The following RPTOR variants were observed in gnomAD, a reference collection of about 807,000 sequenced individuals.
RPTOR encodes the protein regulatory associated protein of MTOR complex 1.
In RPTOR, 21 loss-of-function variants were observed where a neutral mutation model predicts 169.9. The ratio of observed to expected loss-of-function variants is 0.12; its 90% confidence interval spans 0.09 to 0.18. The LOEUF (loss-of-function observed/expected upper bound fraction) is 0.18. RPTOR is among the 10% of genes least tolerant of loss of function. RPTOR has a pLI of 1.00. For missense variants in RPTOR, 1,133 were observed against 1,855.9 expected (o/e 0.61, Z 7.16); for synonymous variants, 732 against 753.2 (o/e 0.97, Z 0.46).
At chr17:80,890,814 CAG>C (rs2068312549) in intron 17 of RPTOR, among the ~76,000 whole-genome samples, 1 of 152,014 alleles carries the variant, frequency 6.6e-6, no homozygotes, top group African/African-American at 2.4e-5. Flanking sequence ...AGTGCGTGTA[CAG>C]AGAGTGCGTA....
At chr17:80,852,543 G>A (rs1199463164) in intron 11 of RPTOR, among the ~76,000 whole-genome samples, 3 of 152,162 alleles carry the variant, frequency 2.0e-5, no homozygotes, top group Non-Finnish European at 2.9e-5. Context: ...CTGGGTCCAT[G>A]GTGAACCCAG....
At chr17:80,626,589 C>G (rs986912101) in intron 2 of RPTOR, among the ~76,000 whole-genome samples, 1 of 152,020 alleles carries the variant, frequency 6.6e-6, no homozygotes, top group Non-Finnish European at 1.5e-5. Flanking sequence ...TCACAACAAC[C>G]TTGTGTGGTA....
intron 9 of RPTOR, among the ~76,000 whole-genome samples, chr17:80,833,714 G>T (rs189740548): frequency 6.6e-6 from 1 of 152,372 alleles, no homozygotes; most frequent in East Asian, 1.9e-4. Context: ...TGCAGGCCGG[G>T]TGCAATGGCT....
intron 13 of RPTOR, among the ~76,000 whole-genome samples, chr17:80,875,905 A>G (rs71373041): frequency 8.1e-4 from 63 of 78,254 alleles, no homozygotes; most frequent in South Asian, 2.3e-3. Flanking sequence ...GTCACCTGCC[A>G]GGTCTTCCAC....
Position 80,754,916 on chromosome 17 carries a change from G to C in RPTOR, c.830+731G>C, listed in dbSNP as rs905209713. On this transcript the variant is annotated intron_variant, in intron 6 of 33. Transcript: ENST00000306801. This position sits in a 1 kb window ranked among gnomAD's most constrained non-coding sequence, Gnocchi z 4.2. Reference sequence around the variant, plus strand: ...GTGCGAATGGTGCAGCTGTGCAGCAGACACCGTGCTGTCGGCCGAGGACAC... The same window carrying C: ...GTGCGAATGGTGCAGCTGTGCAGCACACACCGTGCTGTCGGCCGAGGACAC... Among the ~76,000 whole-genome samples the C allele has an allele frequency of 6.6e-6, 1 of 152,220 alleles. No individual in the cohort carries two copies. Among genetic ancestry groups the C allele is most frequent in the African/African-American group, 2.4e-5 (1 of 41,456 alleles).
At chr17:80,557,899 C>G (rs1398737309) in intron 1 of RPTOR, among the ~76,000 whole-genome samples, 1 of 152,128 alleles carries the variant, frequency 6.6e-6, no homozygotes. Flanking sequence ...GCACTCCAGC[C>G]TGGGCGACAG....
rs1431958431 is a variant in RPTOR at position 80,893,683 on chromosome 17, C to T, written c.2243-24C>T. 5.0e-6 allele frequency: 8 copies of T among 1,603,340 alleles called. No individual in the cohort carries two copies. In the East Asian group the frequency reaches 1.4e-4, roughly 27 times the overall value. ...AAAGGAGGGTCCCGGGAGCACCCCA[C>T]TGACCCCGTTGCGTCTCGGGCAGCT... On this transcript the variant is annotated intron_variant, in intron 19 of 33. Transcript: ENST00000306801.
In RPTOR at chr17:80,949,624, C is replaced by T. The variant is rs1005797837; in HGVS notation, c.3370+77C>T. On this transcript the variant is annotated intron_variant, in intron 28 of 33. Coordinates refer to ENST00000306801, the MANE Select transcript of RPTOR (RefSeq NM_020761.3). ...ACGCACTCGGAATTCCAAGGCCCTT[C>T]TGGGGCTGTCTCTAAACAGGCTGCT... 4 of 1,194,754 alleles carry T rather than the reference C, an allele frequency of 3.3e-6. No homozygotes were observed. In the South Asian group the frequency reaches 3.6e-5, roughly 11 times the overall value. The allele number at this position is 1,194,754 out of a possible 1,614,324, so 74.0% of individuals were successfully genotyped here. A position where few individuals can be genotyped will look rare whatever the true frequency, so the allele number is the denominator to read the frequency against.
At chr17:80,678,582 T>C (rs769867060) in intron 3 of RPTOR, among the ~76,000 whole-genome samples, 17 of 152,240 alleles carry the variant, frequency 1.1e-4, no homozygotes, top group Non-Finnish European at 1.9e-4. Flanking sequence ...TCTAAAATTA[T>C]TTCAAGATAA....
intron 17 of RPTOR, among the ~76,000 whole-genome samples, chr17:80,885,506 G>A (rs1160369521): frequency 1.3e-5 from 2 of 152,246 alleles, no homozygotes; most frequent in South Asian, 2.1e-4. Flanking sequence ...CCCCATGTAC[G>A]TCAGCGACTG....
At chr17:80,602,390 C>T (rs2143454638) in intron 1 of RPTOR, among the ~76,000 whole-genome samples, 1 of 102,994 alleles carries the variant, frequency 9.7e-6, no homozygotes, top group South Asian at 2.7e-4. Context: ...CCCCACCTCC[C>T]TCCCGGACGG....
intron 3 of RPTOR, among the ~76,000 whole-genome samples, chr17:80,680,459 T>C (rs944834709): frequency 1.2e-4 from 18 of 152,116 alleles, no homozygotes; most frequent in African/African-American, 4.1e-4. Flanking sequence ...GATGGTGAAA[T>C]CCCATCTTTA....
chr17:80,616,473 G>GT (rs2065311181), intron 1 of RPTOR, among the ~76,000 whole-genome samples: 1 of 151,810 alleles, frequency 6.6e-6, no homozygotes, highest in Non-Finnish European at 1.5e-5. Flanking sequence ...TAATTTTTGT[G>GT]TTTTTAGTAG....
At chr17:80,918,230 A>G (rs1345729039) in intron 21 of RPTOR, among the ~76,000 whole-genome samples, 1 of 152,204 alleles carries the variant, frequency 6.6e-6, no homozygotes, top group African/African-American at 2.4e-5. Context: ...ACGCTGCCCA[A>G]TGCTGGCCCG....
intron 3 of RPTOR, among the ~76,000 whole-genome samples, chr17:80,693,342 A>G (rs1262244409): frequency 6.6e-6 from 1 of 152,200 alleles, no homozygotes; most frequent in Non-Finnish European, 1.5e-5. Flanking sequence ...AGTTGCTCCC[A>G]GCGGAGATGG....
intron 3 of RPTOR, among the ~76,000 whole-genome samples, chr17:80,662,208 T>C (rs930856550): frequency 6.6e-6 from 1 of 152,188 alleles, no homozygotes; most frequent in Non-Finnish European, 1.5e-5. Context: ...CAGTTTCTCC[T>C]GGCCGAGGCC....
chr17:80,772,802 T>A (rs1345830159), intron 6 of RPTOR, among the ~76,000 whole-genome samples: 1 of 152,172 alleles, frequency 6.6e-6, no homozygotes, highest in East Asian at 1.9e-4. Flanking sequence ...TTTGTTTCTT[T>A]TAATCTCAGT....
chr17:80,718,937 C>T lies in RPTOR; in HGVS notation c.507+10938C>T, dbSNP rs993823590. Among the ~76,000 whole-genome samples the T allele has an allele frequency of 8.5e-5, 13 of 152,220 alleles. No homozygotes were observed. In the East Asian group the frequency reaches 1.4e-3, roughly 16 times the overall value. On this transcript the variant is annotated intron_variant, in intron 4 of 33. Coordinates refer to ENST00000306801, the MANE Select transcript of RPTOR (RefSeq NM_020761.3). ...GCCGTCGTATACAAGAGGCCAGTGG[C>T]GGCACCCTGAGTCAGGCTGGTGGGG... is the stretch of plus-strand genomic sequence containing the variant.
rs1280264054 is a variant in RPTOR, at chr17:80,707,797, C to A, written c.349-44C>A. The A allele has an allele frequency of 5.7e-6, 9 of 1,591,294 alleles. No homozygotes were observed. In the South Asian group the frequency reaches 9.1e-5, roughly 16 times the overall value. ...GGTAGGGGATGAGTTCCAAGCATTC[C>A]CTGGAGTCCGTGGTAAATTTCTTCA... On this transcript the variant is annotated intron_variant, in intron 3 of 33. Coordinates refer to ENST00000306801, the MANE Select transcript of RPTOR (RefSeq NM_020761.3). The surrounding 1 kb of genome is among the most constrained non-coding windows in gnomAD (Gnocchi z 5.0).
Sources: allele counts gnomAD v4.1 joint callset (sites outside exome capture counted in the v4.1 genomes callset), GRCh38; gene constraint gnomAD v4.1.1; non-coding constraint Gnocchi (gnomAD v3.1); transcripts MANE v1.5; gene names NCBI Gene and HGNC (gene_info 2026-07-23, HGNC 2026-07-21).